The following STPG2 variants were observed in gnomAD, a reference collection of about 807,000 sequenced individuals.
The protein encoded by STPG2 is sperm-tail PG-rich repeat-containing protein 2.
In STPG2, 56 loss-of-function variants were observed where a neutral mutation model predicts 54.2. That is an observed-to-expected ratio of 1.03 (90% CI 0.83 to 1.29). STPG2 has a LOEUF of 1.29. Among genes scored for constraint, STPG2 ranks in the 50% most tolerant of loss-of-function variants. The pLI, the probability that STPG2 is intolerant of heterozygous loss-of-function variation, is 0.00. For missense variants in STPG2, 596 were observed against 544.9 expected (o/e 1.09, Z -0.93); for synonymous variants, 200 against 181.8 (o/e 1.10, Z -0.81).
At chr4:97,462,445 T>A (rs1249598771) in intron 4 of STPG2, among the ~76,000 whole-genome samples, 1 of 152,050 alleles carries the variant, frequency 6.6e-6, no homozygotes, top group Admixed American at 6.6e-5. Context: ...ACACATACAA[T>A]CCGCTGAGAT....
At chr4:97,743,481 A>C (rs932473022) in intron 9 of STPG2, among the ~76,000 whole-genome samples, 1 of 151,770 alleles carries the variant, frequency 6.6e-6, no homozygotes, top group Admixed American at 6.6e-5. Flanking sequence ...GATAAACAAA[A>C]GATGTAATCA....
At chr4:97,844,190 C>T (rs1159164559) in intron 8 of STPG2, among the ~76,000 whole-genome samples, 1 of 151,930 alleles carries the variant, frequency 6.6e-6, no homozygotes, top group Non-Finnish European at 1.5e-5. Context: ...TGATCTCAGA[C>T]ATGTGAAACT....
chr4:97,554,133 G>A (rs926277399), downstream of STPG2, among the ~76,000 whole-genome samples: 1 of 151,998 alleles, frequency 6.6e-6, no homozygotes, highest in African/African-American at 2.4e-5. Flanking sequence ...TATCCTTTGA[G>A]CAGTCCCAGA....
At chr4:97,913,917 T>G (rs1224182812) in intron 8 of STPG2, among the ~76,000 whole-genome samples, 1 of 152,138 alleles carries the variant, frequency 6.6e-6, no homozygotes, top group Non-Finnish European at 1.5e-5. Context: ...ACTTCCTGAC[T>G]TTGAGTGTTT....
At chr4:97,656,354 T>C (rs1722218249) in intron 10 of STPG2, among the ~76,000 whole-genome samples, 1 of 152,176 alleles carries the variant, frequency 6.6e-6, no homozygotes, top group Admixed American at 6.6e-5. Context: ...TTGTGGCATG[T>C]ACTGTTGACA....
intron 10 of STPG2, among the ~76,000 whole-genome samples, chr4:97,702,851 C>T (rs114932541): frequency 0.018 from 2,812 of 152,180 alleles, 70 homozygotes; most frequent in African/African-American, 0.059. Flanking sequence ...CTGCACCTTT[C>T]GTTGCACGTC....
At chr4:97,704,861 A>G (rs1420837120) in intron 10 of STPG2, among the ~76,000 whole-genome samples, 2 of 152,234 alleles carry the variant, frequency 1.3e-5, no homozygotes, top group Non-Finnish European at 2.9e-5. Context: ...AAATAAACTT[A>G]GAAACTGTCA....
chr4:97,449,576 C>A (rs1283747531), intron 4 of STPG2, among the ~76,000 whole-genome samples: 1 of 152,128 alleles, frequency 6.6e-6, no homozygotes, highest in Non-Finnish European at 1.5e-5. Flanking sequence ...AATCAGTATT[C>A]ATTTGAGTGC....
chr4:98,045,101 GGA>G (rs1737084334), intron 5 of STPG2, among the ~76,000 whole-genome samples: 1 of 118,496 alleles, frequency 8.4e-6, no homozygotes, highest in Non-Finnish European at 1.8e-5. Context: ...GACTTTAAAA[GGA>G]AAAAAAAAAA....
At chr4:97,987,362 T>G (rs1734860933) in intron 5 of STPG2, among the ~76,000 whole-genome samples, 1 of 152,208 alleles carries the variant, frequency 6.6e-6, no homozygotes, top group South Asian at 2.1e-4. Flanking sequence ...TCTAAAAAAT[T>G]TTGTACTGTC....
At chr4:97,898,561 C>T (rs748085145) in intron 8 of STPG2, among the ~76,000 whole-genome samples, 5 of 151,522 alleles carry the variant, frequency 3.3e-5, no homozygotes, top group Non-Finnish European at 5.9e-5. Flanking sequence ...ATCAATATCT[C>T]GAATGTTTCT....
chr4:97,589,937 A>C (rs1004257480), intron 10 of STPG2, among the ~76,000 whole-genome samples: 7 of 152,194 alleles, frequency 4.6e-5, no homozygotes, highest in Non-Finnish European at 1.0e-4. Flanking sequence ...ATCTAAGTTT[A>C]TTAAACCCTC....
intron 5 of STPG2, among the ~76,000 whole-genome samples, chr4:98,010,286 C>T (rs886070720): frequency 3.9e-5 from 6 of 152,006 alleles, no homozygotes; most frequent in Non-Finnish European, 7.4e-5. Flanking sequence ...TTTTAGTATG[C>T]TGTATTTCCA....
intron 5 of STPG2, among the ~76,000 whole-genome samples, chr4:97,985,949 AACACACACAC>A (rs72477988): frequency 6.9e-6 from 1 of 144,416 alleles, no homozygotes; most frequent in Admixed American, 7.0e-5. Context: ...AGCGCACACA[AACACACACAC>A]ACACACACAC....
In STPG2 at chr4:97,510,987, C is replaced by T. The variant is rs183621671; in HGVS notation, c.462+201712G>A. Among the ~76,000 whole-genome samples the T allele has an allele frequency of 6.5e-4, 98 of 151,194 alleles. 3 individuals are homozygous for T. The East Asian group carries it at 0.018, about 28-fold the overall frequency. ...CATCTCTAATAATAATAATAGCTAA[C>T]AAAGGAGAAAAACTGGAATAAAAAT... is the stretch of plus-strand genomic sequence containing the variant. On this transcript the variant is annotated intron_variant, in intron 4 of 4. Coordinates refer to the STPG2 transcript ENST00000522676.
intron 8 of STPG2, among the ~76,000 whole-genome samples, chr4:97,851,889 T>A (rs1729169677): frequency 6.6e-6 from 1 of 152,222 alleles, no homozygotes. Context: ...ATGGCCTGTA[T>A]AACCTTTCTC....
intron 5 of STPG2, among the ~76,000 whole-genome samples, chr4:98,086,578 T>A (rs1738521271): frequency 6.9e-6 from 1 of 144,670 alleles, no homozygotes. Context: ...ACTACCTGAA[T>A]CCAAATATTT....
chr4:97,797,962 A>C (rs1727255192), intron 9 of STPG2, among the ~76,000 whole-genome samples: 1 of 152,086 alleles, frequency 6.6e-6, no homozygotes, highest in African/African-American at 2.4e-5. Context: ...TAGATTTTCT[A>C]GTTTATTTGC....
chr4:97,970,668 A>G lies in STPG2; in HGVS notation c.933+1612T>C, dbSNP rs575907401. On this transcript the variant is annotated intron_variant, in intron 7 of 10. Coordinates refer to ENST00000295268, the MANE Select transcript of STPG2 (RefSeq NM_174952.3). ...TTCTACAAAAATTAATTCAAGATGG[A>G]TTAAAGGCTTAAATGTTAGACCTAA... Among the ~76,000 whole-genome samples the G allele has an allele frequency of 2.0e-5, 3 of 152,342 alleles. No homozygotes were observed. In the South Asian group the frequency reaches 6.2e-4, roughly 32 times the overall value.
Sources: gnomAD v4.1 joint callset for allele counts (sites outside exome capture counted in the v4.1 genomes callset) on GRCh38, gnomAD v4.1.1 for gene constraint, MANE v1.5 for transcripts, NCBI Gene and HGNC (gene_info 2026-07-23, HGNC 2026-07-21) for gene names.